Variants in OTOF observed in about 807,000 individuals in gnomAD.
OTOF encodes fer-1-like family member 2.
A neutral mutation model predicts 236.8 loss-of-function variants in OTOF; 218 were observed. That is an observed-to-expected ratio of 0.92 (90% CI 0.82 to 1.03). The LOEUF is 1.03. Ranked by LOEUF, OTOF falls within the 50% of genes least tolerant of loss-of-function variation. The probability of loss-of-function intolerance (pLI) is 0.00; values close to 1 mark genes in which losing one functional copy is unlikely to be tolerated. For missense variants in OTOF, 2,590 were observed against 2,694.4 expected (o/e 0.96, Z 0.86); for synonymous variants, 1,041 against 1,072.5 (o/e 0.97, Z 0.57).
intron 46 of OTOF, 91 bp downstream of exon 46, chr2:26,459,917 T>G: frequency 8.1e-7 from 1 of 1,232,914 alleles, no homozygotes; most frequent in Non-Finnish European, 1.1e-6. Context: ...TGTATGCATA[T>G]TTGTGTTTGT....
At chr2:26,523,387 C>T (rs1178456269) in intron 3 of OTOF, among the ~76,000 whole-genome samples, 1 of 152,206 alleles carries the variant, frequency 6.6e-6, no homozygotes, top group Non-Finnish European at 1.5e-5. Context: ...GCCTCTAGAA[C>T]CACTGGGTGA....
At chr2:26,479,176 A>G (rs1365675533) in intron 18 of OTOF, 88 bp downstream of exon 18, 2 of 1,520,742 alleles carry the variant, frequency 1.3e-6, no homozygotes, top group African/African-American at 2.9e-5. Flanking sequence ...CCCTGGGCAG[A>G]CCAGCTTTGT....
At chr2:26,526,048 C>T (rs1256866443) in intron 3 of OTOF, among the ~76,000 whole-genome samples, 11 of 139,538 alleles carry the variant, frequency 7.9e-5, no homozygotes, top group African/African-American at 1.1e-4. Context: ...GATCAGGCCA[C>T]TGCACTCCAC....
chr2:26,464,948 G>A lies in OTOF; in HGVS notation c.4881C>T (p.Gly1627=), dbSNP rs557696585. Residue 1627 remains glycine (G), a synonymous_variant, in exon 39 of 47, where the codon GGC becomes GGT. Coordinates refer to ENST00000272371, the MANE Select transcript of OTOF (RefSeq NM_194248.3). The part of the protein sequence containing the change: ...TRLCKDGKVD[G]PHFGPPGRVK... ...CTCTCCCAGGGGGCCCAAAGTGGGG[G>A]CCGTCCACTTTGCCGTCTTTGCAGA... 2.5e-6 allele frequency: 4 copies of A among 1,575,852 alleles called. No individual in the cohort carries two copies. In the East Asian group the frequency reaches 9.2e-5, roughly 36 times the overall value.
intron 39 of OTOF, among the ~76,000 whole-genome samples, 200 bp from the exon 40 acceptor site, chr2:26,464,306 G>C (rs1015751422): frequency 6.6e-6 from 1 of 152,028 alleles, no homozygotes. Flanking sequence ...GGCCAAGAGA[G>C]GTCTGTGCCC....
chr2:26,460,000 T>TA lies in OTOF; in HGVS notation c.*17+7dup. On this transcript the variant is annotated splice_region_variant and intron_variant, in intron 46 of 46. Coordinates refer to ENST00000272371, the MANE Select transcript of OTOF (RefSeq NM_194248.3). ...TTGGTCCAGAGGAAGAAGTAAGAAA[T>TA]ATCAGACCCAGGAGGCCACTGGGCT... 1 of 1,556,648 alleles carries TA rather than the reference T, an allele frequency of 6.4e-7. No individual in the cohort carries two copies. The highest frequency in any genetic ancestry group is 8.7e-7 in the Non-Finnish European group (1 of 1,150,316).
At position 26,472,576 on chromosome 2, in the gene OTOF, C is replaced by T. The variant is rs956675113; in HGVS notation, c.3807G>A (p.Val1269=). ...SSSHSTGEVV[V]TMEPEVPIKK... ...TGATGGGTACCTCTGGCTCCATAGT[C>T]ACCACAACCTCCCCTGTGGAGTGAG... is the stretch of plus-strand genomic sequence containing the variant. Residue 1269 remains valine (V), a synonymous_variant, in exon 30 of 47, where the codon GTG becomes GTA. Coordinates refer to ENST00000272371, the MANE Select transcript of OTOF (RefSeq NM_194248.3). The T allele has an allele frequency of 6.2e-7, 1 of 1,613,374 alleles. No homozygotes were observed. The highest frequency in any genetic ancestry group is 8.5e-7 in the Non-Finnish European group (1 of 1,180,018).
Position 26,527,914 on chromosome 2 carries a change from G to A in OTOF, c.145C>T (p.Arg49Trp), listed in dbSNP as rs61746568. 7,337 of 1,613,334 alleles carry A rather than the reference G, an allele frequency of 4.5e-3. 63 individuals carry two copies. The highest frequency in any genetic ancestry group is 0.031 in the Admixed American group (1,876 of 60,032). Residue 49 changes from arginine to tryptophan, a missense_variant, in exon 3 of 47, where the codon CGG becomes TGG. Arg to Trp is a moderately radical substitution (Grantham distance 101, BLOSUM62 -3). This residue lies in a region of OTOF where 1,379 missense variants were observed against 1,341.6 expected (regional missense o/e 1.03). Coordinates refer to ENST00000272371, the MANE Select transcript of OTOF (RefSeq NM_194248.3). ...TCGATGCTGCTGGCCACCGGCCACC[G>A]AAATGTCTGGGGAGAGAGGGACAAC... Reference protein sequence around the residue: ...EDVADFDETFRWPVASSIDRN... With the variant: ...EDVADFDETFWWPVASSIDRN...
At position 26,514,321 on chromosome 2, in the gene OTOF, C is replaced by T. The variant is rs117171613; in HGVS notation, c.509+2097G>A. Among the ~76,000 whole-genome samples, 36 of 152,376 alleles carry T rather than the reference C, an allele frequency of 2.4e-4. No homozygotes were observed. In the East Asian group the frequency reaches 4.1e-3, roughly 17 times the overall value. On this transcript the variant is annotated intron_variant, in intron 5 of 46. Transcript: ENST00000272371. ...GGGGTGAAGCCCCTCCTTTTGCTCC[C>T]GCTTCTTGCTGCTACCCTGGGAGGG...
At chr2:26,489,548 C>G (rs1428133627) in intron 10 of OTOF, 130 bp downstream of exon 10, 6 of 807,782 alleles carry the variant, frequency 7.4e-6, no homozygotes, top group Non-Finnish European at 1.1e-5. Flanking sequence ...TCCCTACTTG[C>G]CCAGCCGTGT....
At chr2:26,520,051 A>G (rs1317522429) in intron 3 of OTOF, among the ~76,000 whole-genome samples, 1 of 152,204 alleles carries the variant, frequency 6.6e-6, no homozygotes, top group African/African-American at 2.4e-5. Flanking sequence ...ATGCTGATGG[A>G]GTTGACTTCA....
At chr2:26,510,862 T>C in intron 5 of OTOF, 2 of 520,960 alleles carry the variant, frequency 3.8e-6, no homozygotes, top group Admixed American at 6.3e-5. Flanking sequence ...GGGGGCCTCC[T>C]TGTCCCACAG....
At chr2:26,495,467 C>T (rs1665959808) in intron 8 of OTOF, among the ~76,000 whole-genome samples, 1 of 152,162 alleles carries the variant, frequency 6.6e-6, no homozygotes, top group African/African-American at 2.4e-5. Context: ...CTCTGTTGCC[C>T]AGGCTGGAGT....
At chr2:26,471,552 G>A (rs533876553) in intron 30 of OTOF, among the ~76,000 whole-genome samples, 2 of 152,268 alleles carry the variant, frequency 1.3e-5, no homozygotes, top group South Asian at 4.1e-4. Context: ...CCCAGGCCAG[G>A]GAAGTGTCAT....
chr2:26,492,999 T>C (rs889713727), intron 9 of OTOF, among the ~76,000 whole-genome samples: 3 of 152,144 alleles, frequency 2.0e-5, no homozygotes, highest in Non-Finnish European at 4.4e-5. Context: ...CAGAAGTGGC[T>C]TCACTGCTAT....
intron 2 of OTOF, among the ~76,000 whole-genome samples, chr2:26,530,367 T>C (rs143934192): frequency 1.3e-5 from 2 of 152,260 alleles, no homozygotes; most frequent in East Asian, 3.9e-4. Flanking sequence ...CCGGGGCCCC[T>C]GACTGCAGAT....
At chr2:26,475,559 C>G (rs1294427638) in intron 24 of OTOF, 66 bp from the exon 25 acceptor site, 1 of 1,558,780 alleles carries the variant, frequency 6.4e-7, no homozygotes, top group East Asian at 2.3e-5. Context: ...CAAACAGAAG[C>G]CACCCCTACT....
chr2:26,498,354 C>T (rs1010821868), intron 8 of OTOF, among the ~76,000 whole-genome samples: 5 of 152,270 alleles, frequency 3.3e-5, no homozygotes, highest in African/African-American at 1.2e-4. Context: ...AAGCTGAGGG[C>T]GCTGGAGAAA....
At chr2:26,557,292 C>T (rs977957040) in intron 1 of OTOF, among the ~76,000 whole-genome samples, 11 of 152,154 alleles carry the variant, frequency 7.2e-5, no homozygotes, top group African/African-American at 2.7e-4. Flanking sequence ...GTCCTCTCTG[C>T]CCCCTTCTCA....
Sources: gnomAD v4.1 joint callset for allele counts (sites outside exome capture counted in the v4.1 genomes callset) on GRCh38, gnomAD v4.1.1 for gene constraint, gnomAD v4.1.1 regional missense constraint, MANE v1.5 for transcripts, NCBI Gene and HGNC (gene_info 2026-07-23, HGNC 2026-07-21) for gene names.